ROBO1: variants seen among roughly 807,000 people sequenced by gnomAD.
ROBO1 encodes the protein roundabout guidance receptor 1.
Under a neutral mutation model 195.9 loss-of-function variants are expected in ROBO1, and 149 were observed. The ratio of observed to expected loss-of-function variants is 0.76; its 90% CI spans 0.67 to 0.87. The LOEUF is 0.87. Ranked by LOEUF, ROBO1 falls within the 40% of genes least tolerant of loss-of-function variation. ROBO1 has a pLI of 0.00. For missense variants in ROBO1, 1,933 were observed against 2,068.3 expected, an observed-to-expected ratio of 0.93 and a Z score of 1.27; for synonymous variants, 816 against 733.2, an observed-to-expected ratio of 1.11 and a Z score of -1.82.
intron 21 of ROBO1, among the ~76,000 whole-genome samples, chr3:78,645,268 C>T (rs933592830): frequency 1.3e-5 from 2 of 151,720 alleles, no homozygotes; most frequent in East Asian, 1.9e-4. Context: ...TTTTCTTATC[C>T]GGTGGTATGT....
chr3:79,172,247 T>C (rs1046258564), intron 2 of ROBO1, among the ~76,000 whole-genome samples: 3 of 152,232 alleles, frequency 2.0e-5, no homozygotes, highest in Admixed American at 6.5e-5. Context: ...TTTTTGATTC[T>C]AAATGTGTTT....
chr3:78,678,870 C>A (rs1310928915), intron 10 of ROBO1, among the ~76,000 whole-genome samples: 2 of 151,642 alleles, frequency 1.3e-5, no homozygotes, highest in Non-Finnish European at 2.9e-5. Flanking sequence ...GAGACACAAC[C>A]AAAAAAGAGA....
intron 3 of ROBO1, among the ~76,000 whole-genome samples, chr3:78,947,735 C>G (rs1025720042): frequency 2.0e-5 from 3 of 152,030 alleles, no homozygotes; most frequent in African/African-American, 7.3e-5. Context: ...AATCCAGGAG[C>G]TGGTTTTTTG....
At chr3:78,797,315 C>T (rs2084214112) in intron 4 of ROBO1, among the ~76,000 whole-genome samples, 3 of 152,168 alleles carry the variant, frequency 2.0e-5, no homozygotes, top group African/African-American at 7.2e-5. Context: ...TATCAGATTG[C>T]ACTTGTTTAC....
At chr3:79,490,552 G>C (rs1939398668) in intron 2 of ROBO1, among the ~76,000 whole-genome samples, 1 of 152,216 alleles carries the variant, frequency 6.6e-6, no homozygotes, top group Non-Finnish European at 1.5e-5. Flanking sequence ...CTAGAATAAA[G>C]GAGAATGAGC....
chr3:78,944,309 C>A (rs1404996819), intron 3 of ROBO1, among the ~76,000 whole-genome samples: 2 of 152,232 alleles, frequency 1.3e-5, no homozygotes, highest in African/African-American at 4.8e-5. Flanking sequence ...GTTCACTTTG[C>A]ACTTTGATTG....
intron 1 of ROBO1, among the ~76,000 whole-genome samples, chr3:79,700,781 G>T (rs1947600033): frequency 6.6e-6 from 1 of 151,796 alleles, no homozygotes; most frequent in Admixed American, 6.6e-5. Flanking sequence ...AGCTTTGTCA[G>T]ATGCATACTT....
At chr3:78,637,956 C>T (rs1455475713) in intron 22 of ROBO1, among the ~76,000 whole-genome samples, 1 of 143,310 alleles carries the variant, frequency 7.0e-6, no homozygotes, top group Non-Finnish European at 1.5e-5. Context: ...TTTAATATTT[C>T]CTATATTGGC....
chr3:79,459,979 C>A (rs897341475), intron 2 of ROBO1, among the ~76,000 whole-genome samples: 1 of 151,864 alleles, frequency 6.6e-6, no homozygotes, highest in Non-Finnish European at 1.5e-5. Context: ...TATAATTTTT[C>A]TTTGAAGTGA....
At chr3:79,127,772 C>G (rs1019678383) in intron 2 of ROBO1, among the ~76,000 whole-genome samples, 1 of 152,136 alleles carries the variant, frequency 6.6e-6, no homozygotes, top group Admixed American at 6.5e-5. Flanking sequence ...AGATTTCCAC[C>G]TGCATGTAAC....
intron 29 of ROBO1, among the ~76,000 whole-genome samples, chr3:78,600,814 GTTA>G (rs1176506816): frequency 2.0e-5 from 3 of 152,028 alleles, no homozygotes; most frequent in Non-Finnish European, 4.4e-5. Flanking sequence ...CTTATAAAAT[GTTA>G]TTATAAGGAA....
chr3:78,901,888 A>G (rs1421411828), intron 4 of ROBO1, among the ~76,000 whole-genome samples: 1 of 152,098 alleles, frequency 6.6e-6, no homozygotes, highest in African/African-American at 2.4e-5. Context: ...TGGGGTAGGG[A>G]GGGGAAGATT....
intron 2 of ROBO1, among the ~76,000 whole-genome samples, chr3:79,264,854 G>A (rs902507793): frequency 2.6e-5 from 4 of 151,870 alleles, no homozygotes; most frequent in Non-Finnish European, 2.9e-5. Context: ...TCAGCACTTA[G>A]TACTAATCTC....
chr3:79,255,971 A>C (rs1174202486), intron 2 of ROBO1, among the ~76,000 whole-genome samples: 1 of 152,196 alleles, frequency 6.6e-6, no homozygotes, highest in Non-Finnish European at 1.5e-5. Context: ...TTCAGGATTT[A>C]GAATGCATAA....
chr3:79,272,896 T>C lies in ROBO1; in HGVS notation c.89-147357A>G, dbSNP rs545954152. Among the ~76,000 whole-genome samples, 57 of 151,994 alleles carry C rather than the reference T, an allele frequency of 3.8e-4. No individual in the cohort carries two copies. In the South Asian group the frequency reaches 8.1e-3, roughly 22 times the overall value. On this transcript the variant is annotated intron_variant, in intron 2 of 30. Transcript: ENST00000464233. ...ACAAGTAACATACAACAGAAATCAATACATTTGGCGGCAGATTTATCAATG... is the reference window on the plus strand; with the variant it reads ...ACAAGTAACATACAACAGAAATCAACACATTTGGCGGCAGATTTATCAATG...
chr3:79,749,521 G>C (rs1298678866), intron 1 of ROBO1, among the ~76,000 whole-genome samples: 3 of 152,174 alleles, frequency 2.0e-5, no homozygotes, highest in African/African-American at 4.8e-5. Context: ...CTTCATGGCA[G>C]CCCCTTCCAT....
At chr3:78,719,054 T>C (rs1360252466) in intron 5 of ROBO1, among the ~76,000 whole-genome samples, 1 of 152,236 alleles carries the variant, frequency 6.6e-6, no homozygotes, top group African/African-American at 2.4e-5. Context: ...TGGCCAAGTC[T>C]TTAAATATTA....
intron 3 of ROBO1, among the ~76,000 whole-genome samples, chr3:79,023,119 G>A (rs910775543): frequency 2.0e-5 from 3 of 150,384 alleles, no homozygotes; most frequent in African/African-American, 7.4e-5. Context: ...CCGACCCTGG[G>A]ATGCAAGCCA....
rs113328125 is a variant in ROBO1 at position 79,028,114 on chromosome 3, A to G, written c.173-89187T>C. Among the ~76,000 whole-genome samples the G allele has an allele frequency of 6.0e-3, 913 of 152,150 alleles. 3 individuals are homozygous for G. The highest frequency in any genetic ancestry group is 9.1e-3 in the Non-Finnish European group (621 of 67,890). On this transcript the variant is annotated intron_variant, in intron 3 of 30. Coordinates refer to ENST00000464233, the MANE Select transcript of ROBO1 (RefSeq NM_002941.4). The stretch of plus-strand genomic sequence containing the variant: ...GTATGGCTGATAGCCTTATATTCAG[A>G]TGCTAATTGGTTCTAATAAGATTTT...
Sources: allele counts gnomAD v4.1 joint callset (sites outside exome capture counted in the v4.1 genomes callset), GRCh38; gene constraint gnomAD v4.1.1; transcripts MANE v1.5; gene names NCBI Gene and HGNC (gene_info 2026-07-23, HGNC 2026-07-21).